The following PCDHA6 variants were observed in gnomAD, a reference collection of about 807,000 sequenced individuals.
The protein encoded by PCDHA6 is protocadherin alpha-6.
Under a neutral mutation model 60.3 loss-of-function variants are expected in PCDHA6, and 55 were observed. The ratio of observed to expected loss-of-function variants is 0.91; its 90% CI spans 0.73 to 1.14. The LOEUF (loss-of-function observed/expected upper bound fraction) is 1.14. PCDHA6 is among the 50% of genes most tolerant of loss of function. The pLI is 0.00. For synonymous variants in PCDHA6, 652 were observed against 557.9 expected (o/e 1.17, Z -2.38); for missense variants, 1,327 against 1,256.5 (o/e 1.06, Z -0.85).
At chr5:140,964,454 T>C (rs1392277569) in intron 1 of PCDHA6, among the ~76,000 whole-genome samples, 1 of 152,132 alleles carries the variant, frequency 6.6e-6, no homozygotes, top group Admixed American at 6.5e-5. Flanking sequence ...CTGTAATCTC[T>C]TCCTTAAGTG....
chr5:140,972,733 G>A (rs1037610917), intron 1 of PCDHA6, among the ~76,000 whole-genome samples: 7 of 147,652 alleles, frequency 4.7e-5, no homozygotes, highest in Non-Finnish European at 7.4e-5. Context: ...GCGTAATCCC[G>A]GCTCACTGCA....
chr5:140,836,560 C>A (rs782229036), intron 1 of PCDHA6: 2 of 1,613,622 alleles, frequency 1.2e-6, no homozygotes, highest in African/African-American at 1.3e-5. Context: ...TGCTCAGCGC[C>A]GTCCTCTGAG....
At position 140,872,081 on chromosome 5, in the gene PCDHA6, C is replaced by A. The variant is rs559710022; in HGVS notation, c.2394+41596C>A. ...TCCAGAGTAGCTGGGAATGCAGTGC[C>A]ACTGCACTTAGTCCATTGGCTTTCC... On this transcript the variant is annotated intron_variant, in intron 1 of 3. Transcript: ENST00000529310. Among the ~76,000 whole-genome samples the A allele has an allele frequency of 2.6e-5, 4 of 152,212 alleles. No individual in the cohort carries two copies. In the South Asian group the frequency reaches 8.3e-4, roughly 32 times the overall value.
chr5:140,980,714 G>A (rs958793243), intron 2 of PCDHA6, among the ~76,000 whole-genome samples: 7 of 151,264 alleles, frequency 4.6e-5, no homozygotes, highest in African/African-American at 9.7e-5. Context: ...GCTCCTATTC[G>A]GGTTTCAATT....
intron 1 of PCDHA6, chr5:140,877,038 G>T (rs782221827): frequency 2.5e-6 from 4 of 1,612,418 alleles, no homozygotes; most frequent in East Asian, 2.2e-5. Flanking sequence ...CGCTGCAGCC[G>T]CTAGACCACG....
At chr5:140,839,740 A>T (rs1357885958) in intron 1 of PCDHA6, among the ~76,000 whole-genome samples, 1 of 152,020 alleles carries the variant, frequency 6.6e-6, no homozygotes, top group Non-Finnish European at 1.5e-5. Flanking sequence ...AAATACCCTT[A>T]TTTGCCTTTC....
Sources: gnomAD v4.1 joint callset for allele counts (sites outside exome capture counted in the v4.1 genomes callset) on GRCh38, gnomAD v4.1.1 for gene constraint, MANE v1.5 for transcripts, NCBI Gene and HGNC (gene_info 2026-07-23, HGNC 2026-07-21) for gene names.